ZBBX: variants seen among roughly 807,000 people sequenced by gnomAD.
ZBBX encodes zinc finger B-box domain containing.
Under a neutral mutation model 108.5 loss-of-function variants are expected in ZBBX, and 101 were observed. That is an observed-to-expected ratio of 0.93 (90% CI 0.79 to 1.10). The LOEUF is 1.10. Ranked by LOEUF, ZBBX falls within the 50% of genes least tolerant of loss-of-function variation. ZBBX has a pLI of 0.00. For synonymous variants in ZBBX, 356 were observed against 323.4 expected (o/e 1.10, Z -1.08); for missense variants, 1,009 against 941.4 (o/e 1.07, Z -0.94).
At chr3:167,361,879 T>G (rs181481505) in intron 6 of ZBBX, among the ~76,000 whole-genome samples, 94 of 152,306 alleles carry the variant, frequency 6.2e-4, no homozygotes, top group Middle Eastern at 6.8e-3. Context: ...TGGATAGATA[T>G]GCCCAAGCAA....
the ZBBX span, among the ~76,000 whole-genome samples, chr3:167,213,855 A>G: frequency 2.0e-5 from 3 of 152,206 alleles, no homozygotes; most frequent in African/African-American, 7.2e-5. Flanking sequence ...CTTATAAGCC[A>G]GAAGAGACTG....
At chr3:167,276,852 G>C (rs1460592835) in intron 20 of ZBBX, among the ~76,000 whole-genome samples, 1 of 151,824 alleles carries the variant, frequency 6.6e-6, no homozygotes, top group Non-Finnish European at 1.5e-5. Context: ...GAGAAAGGTC[G>C]GGTTACCCTC....
At chr3:167,365,315 G>A (rs1365997196) in intron 6 of ZBBX, among the ~76,000 whole-genome samples, 1 of 151,452 alleles carries the variant, frequency 6.6e-6, no homozygotes, top group Non-Finnish European at 1.5e-5. Context: ...AAGCAAAATT[G>A]TTTTCTTTAT....
At chr3:167,190,509 T>C in the ZBBX span, among the ~76,000 whole-genome samples, 1 of 151,242 alleles carries the variant, frequency 6.6e-6, no homozygotes, top group East Asian at 2.0e-4. Flanking sequence ...TTCTCCCGAC[T>C]AGCTGGGACT....
intron 11 of ZBBX, among the ~76,000 whole-genome samples, chr3:167,326,148 G>C (rs1457176630): frequency 6.6e-6 from 1 of 152,074 alleles, no homozygotes; most frequent in South Asian, 2.1e-4. Context: ...AATATCCATC[G>C]ATAAATGTCT....
In ZBBX at chr3:167,350,978, T is replaced by C. The variant is rs185424054; in HGVS notation, c.433-463A>G. On this transcript the variant is annotated intron_variant, in intron 8 of 21. Transcript: ENST00000675490. ...ATGACATAATTAGTTTCAAGTGATA[T>C]GCATACTCTTTGCCCTCCAAAATCC... 4.7e-3 allele frequency among the ~76,000 whole-genome samples: 722 copies of C among 152,190 alleles called. 3 individuals carry two copies. Among genetic ancestry groups the C allele is most frequent in the Non-Finnish European group, 7.5e-3 (507 of 67,996 alleles).
intron 11 of ZBBX, among the ~76,000 whole-genome samples, chr3:167,326,716 A>C (rs1737445500): frequency 6.6e-6 from 1 of 152,124 alleles, no homozygotes; most frequent in Non-Finnish European, 1.5e-5. Flanking sequence ...ACTACTAAGA[A>C]GACAGCATCC....
intron 9 of ZBBX, among the ~76,000 whole-genome samples, chr3:167,337,192 C>T (rs1337365253): frequency 2.0e-5 from 3 of 152,094 alleles, no homozygotes; most frequent in African/African-American, 7.2e-5. Flanking sequence ...ATCAATATAA[C>T]TATAGTTTAA....
chr3:167,351,665 T>A (rs1336253602), intron 8 of ZBBX, among the ~76,000 whole-genome samples: 1 of 152,098 alleles, frequency 6.6e-6, no homozygotes, highest in Non-Finnish European at 1.5e-5. Context: ...TGGCTAGAAT[T>A]CATGTGAAGT....
intron 1 of ZBBX, among the ~76,000 whole-genome samples, chr3:167,405,532 G>A (rs1221919212): frequency 6.6e-6 from 1 of 152,126 alleles, no homozygotes; most frequent in African/African-American, 2.4e-5. Context: ...CCTGACTCCA[G>A]TAATTTTCAT....
chr3:167,224,249 T>A, the ZBBX span, among the ~76,000 whole-genome samples: 1 of 151,990 alleles, frequency 6.6e-6, no homozygotes, highest in Non-Finnish European at 1.5e-5. Context: ...TATACGTGCT[T>A]ACTTCCATGT....
chr3:167,282,485 T>C lies in ZBBX; in HGVS notation c.2007A>G (p.Ser669=). The C allele has an allele frequency of 6.2e-7, 1 of 1,604,370 alleles. No homozygotes were observed. Among genetic ancestry groups the C allele is most frequent in the Non-Finnish European group, 8.5e-7 (1 of 1,176,818 alleles). Residue 669 remains serine (S), a synonymous_variant, in exon 20 of 22, where the codon TCA becomes TCG. Coordinates refer to ENST00000675490, the MANE Select transcript of ZBBX (RefSeq NM_001199201.2). ...SRKQQKMGQK[S]QRPSTANFPL... is the part of the protein sequence containing the mutation. ...GAAAATTTGCTGTTGAAGGTCTCTG[T>C]GATTTCTGACCTAAAATTAAAAGTA...
At chr3:167,184,252 A>G in the ZBBX span, among the ~76,000 whole-genome samples, 1 of 152,220 alleles carries the variant, frequency 6.6e-6, no homozygotes, top group Non-Finnish European at 1.5e-5. Flanking sequence ...TTAAGCCTTG[A>G]AAACTGATTC....
At chr3:167,369,092 G>A (rs1352050340) in intron 4 of ZBBX, among the ~76,000 whole-genome samples, 2 of 152,106 alleles carry the variant, frequency 1.3e-5, no homozygotes, top group Non-Finnish European at 2.9e-5. Context: ...TAAGAATAAA[G>A]CCCCTATTAA....
intron 2 of ZBBX, among the ~76,000 whole-genome samples, chr3:167,376,904 A>G (rs948552850): frequency 4.6e-5 from 7 of 152,212 alleles, no homozygotes; most frequent in Non-Finnish European, 7.3e-5. Flanking sequence ...TAGCAAGGAT[A>G]TAACAATGTC....
chr3:167,367,404 A>C (rs1410742899), intron 5 of ZBBX, among the ~76,000 whole-genome samples: 6 of 151,914 alleles, frequency 3.9e-5, no homozygotes, highest in Non-Finnish European at 8.8e-5. Flanking sequence ...TACTAAAAAC[A>C]TAATAAAGAT....
At chr3:167,192,269 C>T in the ZBBX span, among the ~76,000 whole-genome samples, 1 of 152,012 alleles carries the variant, frequency 6.6e-6, no homozygotes, top group Non-Finnish European at 1.5e-5. Flanking sequence ...TTACTTCTTT[C>T]AGATTGAAGA....
chr3:167,260,864 C>T (rs1267161958), intron 20 of ZBBX, among the ~76,000 whole-genome samples: 1 of 152,114 alleles, frequency 6.6e-6, no homozygotes, highest in East Asian at 1.9e-4. Context: ...GGATCAATTG[C>T]TGGTGAGCAT....
At chr3:167,211,465 G>C in the ZBBX span, among the ~76,000 whole-genome samples, 3 of 152,164 alleles carry the variant, frequency 2.0e-5, no homozygotes, top group Non-Finnish European at 2.9e-5. Context: ...CCAGGGGCCT[G>C]AGCAGCAATA....
Sources: allele counts gnomAD v4.1 joint callset (sites outside exome capture counted in the v4.1 genomes callset), GRCh38; gene constraint gnomAD v4.1.1; transcripts MANE v1.5; gene names NCBI Gene and HGNC (gene_info 2026-07-23, HGNC 2026-07-21).